SPATA21: variants seen among roughly 807,000 people sequenced by gnomAD.
The protein encoded by SPATA21 is spermatogenesis-associated protein 21.
A neutral mutation model predicts 54.8 loss-of-function variants in SPATA21; 47 were observed. That is an observed-to-expected ratio of 0.86 (90% CI 0.68 to 1.09). SPATA21 has a LOEUF of 1.09. SPATA21 is among the 50% of genes least tolerant of loss of function. The pLI, the probability that SPATA21 is intolerant of heterozygous loss-of-function variation, is 0.00. For synonymous variants in SPATA21, 245 were observed against 235.3 expected (o/e 1.04, Z -0.38); for missense variants, 599 against 596.4 (o/e 1.00, Z -0.05).
chr1:16,424,221 G>GTCAGGAGGTTGAGACCATCCTGGCT (rs1486141346), intron 3 of SPATA21, among the ~76,000 whole-genome samples: 1 of 110,484 alleles, frequency 9.1e-6, no homozygotes, highest in African/African-American at 3.6e-5. Flanking sequence ...GCTGAGGCAG[G>GTCAGGAGGTTGAGACCATCCTGGCT]AGAATGGCAT....
chr1:16,409,319 C>A lies in SPATA21; in HGVS notation c.588-116G>T. On this transcript the variant is annotated intron_variant, in intron 6 of 12. Coordinates refer to ENST00000335496, the MANE Select transcript of SPATA21 (RefSeq NM_198546.1). This position sits in a 1 kb window ranked among gnomAD's most constrained non-coding sequence, Gnocchi z 4.1. ...GGTCGTGGGGGAGGCTTTGGGGAGCCCGGAGAGATCAAGAATGGCAGGAAA... is the reference window on the plus strand; with the variant it reads ...GGTCGTGGGGGAGGCTTTGGGGAGCACGGAGAGATCAAGAATGGCAGGAAA... The A allele has an allele frequency of 9.1e-7, 1 of 1,103,502 alleles. No individual in the cohort carries two copies. The allele number at this position is 1,103,502 out of a possible 1,614,324, so 68.4% of individuals were successfully genotyped here.
chr1:16,398,291 G>A (rs183298762), downstream of SPATA21: 1 of 163,802 alleles, frequency 6.1e-6, no homozygotes, highest in East Asian at 1.9e-4. Context: ...TGAGGGGAAA[G>A]GACCCACCCC....
intron 3 of SPATA21, among the ~76,000 whole-genome samples, chr1:16,427,456 T>TA (rs2086352807): frequency 1.3e-5 from 2 of 152,166 alleles, no homozygotes; most frequent in Non-Finnish European, 2.9e-5. Flanking sequence ...AGAAAAGTTT[T>TA]AAAAAAACAC....
chr1:16,433,280 C>G (rs200978909), intron 1 of SPATA21, among the ~76,000 whole-genome samples: 1 of 152,234 alleles, frequency 6.6e-6, no homozygotes, highest in East Asian at 1.9e-4. Context: ...GCAGTTACAG[C>G]TGCACCCCTG....
In SPATA21 at chr1:16,428,123, G is replaced by A. The variant is rs992193005; in HGVS notation, c.34+3215C>T. 1 of 1,367,730 alleles carries A rather than the reference G, an allele frequency of 7.3e-7. No individual in the cohort carries two copies. The highest frequency in any genetic ancestry group is 9.8e-7 in the Non-Finnish European group (1 of 1,024,426). The allele number at this position is 1,367,730 out of a possible 1,614,324, so 84.7% of individuals were successfully genotyped here. A position where few individuals can be genotyped will look rare whatever the true frequency, so the allele number is the denominator to read the frequency against. On this transcript the variant is annotated intron_variant, in intron 3 of 12. Coordinates refer to ENST00000335496, the MANE Select transcript of SPATA21 (RefSeq NM_198546.1). The surrounding 1 kb of genome is among the most constrained non-coding windows in gnomAD (Gnocchi z 4.3). ...GTACTCTTCTGGCCTCAAGGACAGG[G>A]AGATCCTGTGCCTGATTGGGGAAGC...
intron 5 of SPATA21, among the ~76,000 whole-genome samples, chr1:16,418,221 A>C (rs780686295): frequency 2.5e-4 from 38 of 152,210 alleles, no homozygotes; most frequent in Admixed American, 1.6e-3. Context: ...GATGGGGTAA[A>C]AGGCAGAAAC....
chr1:16,421,889 A>T lies in SPATA21; in HGVS notation c.95+22T>A. 6.2e-7 allele frequency: 1 copy of T among 1,614,148 alleles called. No homozygotes were observed. The highest frequency in any genetic ancestry group is 8.5e-7 in the Non-Finnish European group (1 of 1,180,010). The stretch of plus-strand genomic sequence containing the variant: ...AGAGCATCCTTGTTGGGGGCAGGGG[A>T]TGGCACTGGATGATGACTTACCCTC... On this transcript the variant is annotated intron_variant, in intron 4 of 12. Coordinates refer to ENST00000335496, the MANE Select transcript of SPATA21 (RefSeq NM_198546.1). This position sits in a 1 kb window ranked among gnomAD's most constrained non-coding sequence, Gnocchi z 5.2.
intron 1 of SPATA21, among the ~76,000 whole-genome samples, chr1:16,433,802 T>C (rs2086519574): frequency 6.6e-6 from 1 of 152,210 alleles, no homozygotes; most frequent in Non-Finnish European, 1.5e-5. Context: ...ATATCGACTA[T>C]GTCACCCTTT....
intron 3 of SPATA21, among the ~76,000 whole-genome samples, chr1:16,429,305 GT>G (rs201180346): frequency 7.8e-5 from 11 of 141,722 alleles, no homozygotes; most frequent in East Asian, 2.2e-4. Flanking sequence ...GCCTGGCTTT[GT>G]TTTTTTTTTG....
rs138588951 is a variant in SPATA21 at position 16,419,620 on chromosome 1, T to C, written c.144+1889A>G. On this transcript the variant is annotated intron_variant, in intron 5 of 12. Transcript: ENST00000335496. ...AGCCAGAGGGAATTCAAGTAGGCCA[T>C]TGGATATATGAACATGGAATTTAAA... Among the ~76,000 whole-genome samples, 51 of 152,204 alleles carry C rather than the reference T, an allele frequency of 3.4e-4. 1 individual carries two copies. In the East Asian group the frequency reaches 8.3e-3, roughly 25 times the overall value.
intron 9 of SPATA21, 59 bp downstream of exon 9, chr1:16,403,909 G>T (rs576378699): frequency 4.3e-6 from 7 of 1,612,234 alleles, no homozygotes; most frequent in African/African-American, 1.3e-5. Flanking sequence ...TTCTCTCCCC[G>T]CAACCAACCT....
At position 16,418,294 on chromosome 1, in the gene SPATA21, T is replaced by C. The variant is rs12058233; in HGVS notation, c.144+3215A>G. Among the ~76,000 whole-genome samples the C allele has an allele frequency of 7.1e-3, 1,078 of 152,192 alleles. 8 individuals carry two copies. Among genetic ancestry groups the C allele is most frequent in the African/African-American group, 0.025 (1,025 of 41,524 alleles). ...TTTTTTATTTTTATTTTTTTTGAGA[T>C]GGAGTCTCGCTCTGTCGCCCAGGCC... On this transcript the variant is annotated intron_variant, in intron 5 of 12. Coordinates refer to ENST00000335496, the MANE Select transcript of SPATA21 (RefSeq NM_198546.1).
chr1:16,421,493 C>A lies in SPATA21; in HGVS notation c.144+16G>T. 2 of 1,612,488 alleles carry A rather than the reference C, an allele frequency of 1.2e-6. No homozygotes were observed. The highest frequency in any genetic ancestry group is 1.7e-6 in the Non-Finnish European group (2 of 1,179,198). On this transcript the variant is annotated intron_variant, in intron 5 of 12. Transcript: ENST00000335496. The surrounding 1 kb of genome is among the most constrained non-coding windows in gnomAD (Gnocchi z 5.2). Reference sequence around the variant, plus strand: ...CCTACACAGCTCGTCCCCGTTCCCCCTATGGCCCTACTTACTGGTGGAGGA... The same window carrying A: ...CCTACACAGCTCGTCCCCGTTCCCCATATGGCCCTACTTACTGGTGGAGGA...
At chr1:16,430,215 C>T (rs2086425735) in intron 3 of SPATA21, among the ~76,000 whole-genome samples, 1 of 151,434 alleles carries the variant, frequency 6.6e-6, no homozygotes, top group Non-Finnish European at 1.5e-5. Flanking sequence ...ATCACTTGAG[C>T]CCATGAGTTC....
intron 3 of SPATA21, among the ~76,000 whole-genome samples, chr1:16,429,698 T>C (rs1200687834): frequency 6.7e-6 from 1 of 150,090 alleles, no homozygotes; most frequent in Non-Finnish European, 1.5e-5. Flanking sequence ...GGTCTTGAAC[T>C]CCCGACCTCA....
At position 16,409,969 on chromosome 1, in the gene SPATA21, T is replaced by C. The variant is rs2085785688; in HGVS notation, c.219A>G (p.Ala73=). The C allele has an allele frequency of 6.2e-7, 1 of 1,610,776 alleles. No homozygotes were observed. The highest frequency in any genetic ancestry group is 1.7e-5 in the Admixed American group (1 of 59,216). Residue 73 remains alanine (A), a synonymous_variant, in exon 6 of 13, where the codon GCA becomes GCG. Coordinates refer to ENST00000335496, the MANE Select transcript of SPATA21 (RefSeq NM_198546.1). The surrounding 1 kb of genome is among the most constrained non-coding windows in gnomAD (Gnocchi z 4.1). Reference sequence around the variant, plus strand: ...GGAAGTTCCCGAGGCTCTGTGTCCCTGCAGCCACCGCGGGCTTCTGAGGCT... The same window carrying C: ...GGAAGTTCCCGAGGCTCTGTGTCCCCGCAGCCACCGCGGGCTTCTGAGGCT... ...QQQPQKPAVA[A]GTQSLGNFRQ...
chr1:16,413,967 A>C (rs576482451), intron 5 of SPATA21, among the ~76,000 whole-genome samples: 3 of 152,056 alleles, frequency 2.0e-5, no homozygotes, highest in Non-Finnish European at 4.4e-5. Context: ...CCAGCAGTAC[A>C]CAGATGTTCC....
Position 16,400,911 on chromosome 1 carries a change from C to G in SPATA21, c.1002-19G>C, listed in dbSNP as rs1246919290. The G allele has an allele frequency of 6.2e-7, 1 of 1,607,658 alleles. No individual in the cohort carries two copies. On this transcript the variant is annotated intron_variant, in intron 10 of 12. Coordinates refer to ENST00000335496, the MANE Select transcript of SPATA21 (RefSeq NM_198546.1). ...GTAGTAGCTGGGGAGGCAGTGCCCACCCATCTCAGCCTGGCTGTGTTTAAT... is the reference window on the plus strand; with the variant it reads ...GTAGTAGCTGGGGAGGCAGTGCCCAGCCATCTCAGCCTGGCTGTGTTTAAT...
Position 16,398,698 on chromosome 1 carries a change from G to A in SPATA21, c.*67C>T. The A allele has an allele frequency of 6.4e-7, 1 of 1,570,818 alleles. No individual in the cohort carries two copies. Among genetic ancestry groups the A allele is most frequent in the East Asian group, 2.2e-5 (1 of 44,562 alleles). On this transcript the variant is annotated 3_prime_UTR_variant, in exon 13 of 13. Coordinates refer to ENST00000335496, the MANE Select transcript of SPATA21 (RefSeq NM_198546.1). ...GCCACAAAAGCAAATCCCAGCAGCA[G>A]CTCCTGCCTGGTGGCCCATCTGTCT...
Sources: allele counts gnomAD v4.1 joint callset (sites outside exome capture counted in the v4.1 genomes callset), GRCh38; gene constraint gnomAD v4.1.1; non-coding constraint Gnocchi (gnomAD v3.1); transcripts MANE v1.5; gene names NCBI Gene and HGNC (gene_info 2026-07-23, HGNC 2026-07-21).